Variants in SLC2A13 observed in about 807,000 individuals in gnomAD.
The protein encoded by SLC2A13 is proton myo-inositol cotransporter.
In SLC2A13, 32 loss-of-function variants were observed where a neutral mutation model predicts 64.4. That is an observed-to-expected ratio of 0.50 (90% CI 0.37 to 0.67). SLC2A13 has a LOEUF of 0.67. Among genes scored for constraint, SLC2A13 ranks in the 30% least tolerant of loss-of-function variants. The pLI is 0.00. For missense variants in SLC2A13, 743 were observed against 829.2 expected, an observed-to-expected ratio of 0.90 and a Z score of 1.28; for synonymous variants, 338 against 327.1, an observed-to-expected ratio of 1.03 and a Z score of -0.36.
At chr12:40,052,429 T>G (rs1948274016) in intron 1 of SLC2A13, among the ~76,000 whole-genome samples, 1 of 151,778 alleles carries the variant, frequency 6.6e-6, no homozygotes, top group South Asian at 2.1e-4. Context: ...AAAGAAAACA[T>G]GGGCAAATCA....
chr12:39,837,748 C>G (rs979193163), intron 6 of SLC2A13, among the ~76,000 whole-genome samples: 1 of 152,168 alleles, frequency 6.6e-6, no homozygotes, highest in African/African-American at 2.4e-5. Flanking sequence ...AAATGCTCAT[C>G]ATCACTGGCC....
At chr12:39,877,488 G>T (rs371625349) in intron 4 of SLC2A13, among the ~76,000 whole-genome samples, 1 of 152,074 alleles carries the variant, frequency 6.6e-6, no homozygotes, top group Admixed American at 6.6e-5. Flanking sequence ...ATTTGGGTGG[G>T]GACACAGCCA....
intron 7 of SLC2A13, chr12:39,819,788 T>C (rs1181038177): frequency 1.3e-5 from 2 of 152,612 alleles, no homozygotes; most frequent in Non-Finnish European, 2.9e-5. Flanking sequence ...AAAGGATAAA[T>C]GCTCCTTTCA....
chr12:39,808,592 T>G (rs577068995), intron 7 of SLC2A13, among the ~76,000 whole-genome samples: 2,371 of 152,294 alleles, frequency 0.016, 29 homozygotes, highest in South Asian at 0.04. Context: ...CACCAACACT[T>G]GATATTTTGA....
chr12:40,040,485 T>G (rs1948066868), intron 2 of SLC2A13, among the ~76,000 whole-genome samples: 2 of 151,820 alleles, frequency 1.3e-5, no homozygotes, highest in Admixed American at 1.3e-4. Flanking sequence ...CTCTGCCTTC[T>G]GGGTTCAAGA....
intron 4 of SLC2A13, among the ~76,000 whole-genome samples, chr12:39,895,540 A>G (rs1296065944): frequency 7.4e-6 from 1 of 135,410 alleles, no homozygotes; most frequent in East Asian, 2.1e-4. Context: ...ATATATATAT[A>G]TATATATATA....
intron 6 of SLC2A13, among the ~76,000 whole-genome samples, chr12:39,832,215 CT>C (rs779690547): frequency 4.6e-5 from 7 of 152,136 alleles, no homozygotes; most frequent in Non-Finnish European, 8.8e-5. Context: ...GAGTGTCTGG[CT>C]TTGAGAACCA....
intron 6 of SLC2A13, among the ~76,000 whole-genome samples, chr12:39,853,344 A>C (rs1313318847): frequency 1.3e-5 from 2 of 152,136 alleles, no homozygotes; most frequent in African/African-American, 4.8e-5. Flanking sequence ...TGGAAAGATA[A>C]CAGTGGTTAT....
chr12:39,857,496 C>T (rs1943637844), intron 6 of SLC2A13, among the ~76,000 whole-genome samples: 1 of 152,190 alleles, frequency 6.6e-6, no homozygotes, highest in Non-Finnish European at 1.5e-5. Context: ...TCTCTATATC[C>T]ACTGTCACCA....
chr12:40,025,365 A>G (rs890656433), intron 3 of SLC2A13, among the ~76,000 whole-genome samples: 1 of 152,256 alleles, frequency 6.6e-6, no homozygotes, highest in Non-Finnish European at 1.5e-5. Flanking sequence ...TATACACTTC[A>G]GTAGCTAGGC....
chr12:39,940,435 C>G (rs919999290), intron 4 of SLC2A13, among the ~76,000 whole-genome samples: 2 of 151,482 alleles, frequency 1.3e-5, no homozygotes, highest in Non-Finnish European at 2.9e-5. Flanking sequence ...ACCAGCTGTG[C>G]TTGTTGAGGA....
intron 3 of SLC2A13, among the ~76,000 whole-genome samples, chr12:40,018,884 C>T (rs973235402): frequency 3.9e-5 from 6 of 152,110 alleles, no homozygotes; most frequent in Middle Eastern, 3.2e-3. Context: ...TTGAGTGCTT[C>T]TTGCTTGCTC....
chr12:39,941,778 C>G (rs1474219279), intron 4 of SLC2A13, among the ~76,000 whole-genome samples: 1 of 152,112 alleles, frequency 6.6e-6, no homozygotes, highest in Non-Finnish European at 1.5e-5. Flanking sequence ...TCATGAAATC[C>G]TTGCCTAAGC....
chr12:39,781,254 A>G (rs1592131353), intron 7 of SLC2A13, among the ~76,000 whole-genome samples: 1 of 152,338 alleles, frequency 6.6e-6, no homozygotes, highest in Admixed American at 6.5e-5. Context: ...TAACAGGTCT[A>G]TTAAAATTCA....
chr12:39,973,591 G>A (rs1946707611), intron 3 of SLC2A13, among the ~76,000 whole-genome samples: 1 of 152,084 alleles, frequency 6.6e-6, no homozygotes, highest in African/African-American at 2.4e-5. Context: ...ATCTCAAATT[G>A]TACTAGCCAA....
At chr12:39,852,734 T>C (rs1054318102) in intron 6 of SLC2A13, among the ~76,000 whole-genome samples, 2 of 152,310 alleles carry the variant, frequency 1.3e-5, no homozygotes, top group East Asian at 3.9e-4. Flanking sequence ...CCTTTCTGCA[T>C]TGCAGATGAA....
rs147671093 is a variant in SLC2A13, at chr12:39,814,083, T to C, written c.1445+16020A>G. 2.3e-3 allele frequency among the ~76,000 whole-genome samples: 343 copies of C among 152,324 alleles called. 2 individuals are homozygous for C. The highest frequency in any genetic ancestry group is 2.5e-3 in the East Asian group (13 of 5,186). ...AGGAAAACTGCTCTGAATATTCTCT[T>C]CACTTTTGCCCATACTCTTTTCTTT... On this transcript the variant is annotated intron_variant, in intron 7 of 9. Coordinates refer to ENST00000280871, the MANE Select transcript of SLC2A13 (RefSeq NM_052885.4).
intron 2 of SLC2A13, among the ~76,000 whole-genome samples, chr12:40,029,477 T>C (rs1052649702): frequency 1.3e-5 from 2 of 152,206 alleles, no homozygotes; most frequent in Non-Finnish European, 2.9e-5. Flanking sequence ...TCTATTTCTA[T>C]AACAAACCAC....
At chr12:39,786,894 A>G (rs1592137076) in intron 7 of SLC2A13, among the ~76,000 whole-genome samples, 1 of 152,314 alleles carries the variant, frequency 6.6e-6, no homozygotes. Context: ...TTCTTTGTCC[A>G]CTTACCTTTG....
Sources: gnomAD v4.1 joint callset for allele counts (sites outside exome capture counted in the v4.1 genomes callset) on GRCh38, gnomAD v4.1.1 for gene constraint, MANE v1.5 for transcripts, NCBI Gene and HGNC (gene_info 2026-07-23, HGNC 2026-07-21) for gene names.